Variants in FGF14 observed in about 807,000 individuals in gnomAD.
FGF14 encodes fibroblast growth factor 14.
FGF14 carries 5 observed loss-of-function variants against 25.5 expected under a neutral mutation model. The ratio of observed to expected loss-of-function variants is 0.20; its 90% CI spans 0.10 to 0.41. The LOEUF (loss-of-function observed/expected upper bound fraction) is 0.41, where lower values mean the gene tolerates loss of function less well. FGF14 is among the 10% of genes least tolerant of loss of function. The pLI, the probability that FGF14 is intolerant of heterozygous loss-of-function variation, is 1.00. For missense variants in FGF14, 222 were observed against 320.1 expected (o/e 0.69, Z 2.34); for synonymous variants, 138 against 118.3 (o/e 1.17, Z -1.08).
intron 1 of FGF14, among the ~76,000 whole-genome samples, chr13:102,057,846 C>T (rs959277755): frequency 3.9e-5 from 6 of 152,150 alleles, no homozygotes; most frequent in African/African-American, 1.4e-4. Flanking sequence ...ATATTTTAGA[C>T]CTTGGGTTAA....
At chr13:102,088,228 G>A (rs915062831) in intron 1 of FGF14, among the ~76,000 whole-genome samples, 1 of 152,212 alleles carries the variant, frequency 6.6e-6, no homozygotes, top group Non-Finnish European at 1.5e-5. Context: ...ATCAGTCAGA[G>A]ACTAAGTTGC....
Position 102,400,388 on chromosome 13 carries a change from A to G in FGF14, c.208+1083T>C, listed in dbSNP as rs1486977400. ...AACAGCCGGCCCCGGGTCCCTCTCCACCCTGAACGGAGCTAGGGGACGCCA... is the reference window on the plus strand; with the variant it reads ...AACAGCCGGCCCCGGGTCCCTCTCCGCCCTGAACGGAGCTAGGGGACGCCA... On this transcript the variant is annotated intron_variant, in intron 1 of 4. Coordinates refer to the FGF14 transcript ENST00000376131. This position sits in a 1 kb window ranked among gnomAD's most constrained non-coding sequence, Gnocchi z 4.3. Among the ~76,000 whole-genome samples, 1 of 151,850 alleles carries G rather than the reference A, an allele frequency of 6.6e-6. No homozygotes were observed. The highest frequency in any genetic ancestry group is 1.5e-5 in the Non-Finnish European group (1 of 67,972).
At chr13:101,953,375 C>G (rs1352060267) in intron 1 of FGF14, among the ~76,000 whole-genome samples, 1 of 151,966 alleles carries the variant, frequency 6.6e-6, no homozygotes, top group Non-Finnish European at 1.5e-5. Flanking sequence ...TTTAACCCAG[C>G]AGGGGATCTG....
intron 3 of FGF14, among the ~76,000 whole-genome samples, chr13:101,771,928 T>C (rs2038799716): frequency 6.6e-6 from 1 of 152,032 alleles, no homozygotes. Context: ...TATACATGTA[T>C]AAAACAATGT....
At chr13:102,347,270 A>G (rs2057136949) in intron 1 of FGF14, among the ~76,000 whole-genome samples, 1 of 152,218 alleles carries the variant, frequency 6.6e-6, no homozygotes, top group South Asian at 2.1e-4. Flanking sequence ...CTCAAGAGAC[A>G]ATCACTGCCC....
chr13:101,921,068 TTAA>T (rs777166409), upstream of FGF14, among the ~76,000 whole-genome samples: 6,186 of 149,708 alleles, frequency 0.041, 439 homozygotes, highest in African/African-American at 0.14. Flanking sequence ...CTCTTGATGA[TTAA>T]AAAAAAAAAA....
intron 1 of FGF14, among the ~76,000 whole-genome samples, chr13:102,003,665 CTTT>C (rs111575262): frequency 2.2e-5 from 3 of 134,746 alleles, no homozygotes; most frequent in East Asian, 4.3e-4. Context: ...AAGGGGTTAG[CTTT>C]TTTTTTTTTT....
At chr13:102,053,555 T>A (rs1271142692) in intron 1 of FGF14, among the ~76,000 whole-genome samples, 1 of 151,908 alleles carries the variant, frequency 6.6e-6, no homozygotes, top group African/African-American at 2.4e-5. Flanking sequence ...CTTATGAAAA[T>A]GTATGGGGTA....
At chr13:102,302,998 C>T (rs2055153911) in intron 1 of FGF14, among the ~76,000 whole-genome samples, 1 of 152,130 alleles carries the variant, frequency 6.6e-6, no homozygotes, top group Non-Finnish European at 1.5e-5. Context: ...TCACTATGTC[C>T]TACAAAGTCC....
chr13:102,192,129 G>C (rs1338271506), intron 1 of FGF14, among the ~76,000 whole-genome samples: 2 of 152,150 alleles, frequency 1.3e-5, no homozygotes, highest in African/African-American at 2.4e-5. Flanking sequence ...CTGAGGCAAT[G>C]GTCCCACCCT....
intron 1 of FGF14, among the ~76,000 whole-genome samples, chr13:102,232,626 G>C (rs2051135290): frequency 6.6e-6 from 1 of 152,160 alleles, no homozygotes; most frequent in South Asian, 2.1e-4. Context: ...CAAGTCATAA[G>C]AGCAATTATG....
At chr13:102,007,741 CAG>C (rs1491409024) in intron 1 of FGF14, among the ~76,000 whole-genome samples, 1 of 152,148 alleles carries the variant, frequency 6.6e-6, no homozygotes, top group African/African-American at 2.4e-5. Flanking sequence ...AAAATAATCA[CAG>C]GGGGTTATTA....
chr13:101,996,881 T>G (rs1440776328), intron 1 of FGF14, among the ~76,000 whole-genome samples: 1 of 152,198 alleles, frequency 6.6e-6, no homozygotes, highest in East Asian at 1.9e-4. Flanking sequence ...ACCAATGGAA[T>G]CCACCAGCAC....
chr13:102,299,570 C>A (rs74651431), intron 1 of FGF14, among the ~76,000 whole-genome samples: 23,250 of 151,928 alleles, frequency 0.15, 1,912 homozygotes, highest in East Asian at 0.38. Context: ...CTGGGGCTGC[C>A]TGAATTTCTA....
At chr13:101,912,004 G>GTT (rs5806256) in intron 1 of FGF14, among the ~76,000 whole-genome samples, 60 of 140,332 alleles carry the variant, frequency 4.3e-4, no homozygotes, top group Middle Eastern at 7.5e-3. Context: ...CAAAAACAGT[G>GTT]TTTTTTTTTT....
At chr13:101,883,316 A>G (rs569281249) in intron 1 of FGF14, among the ~76,000 whole-genome samples, 2 of 152,318 alleles carry the variant, frequency 1.3e-5, no homozygotes, top group South Asian at 4.1e-4. Flanking sequence ...TTACAGACAC[A>G]TCTATCTCTA....
At chr13:102,194,254 A>T (rs1202751032) in intron 1 of FGF14, among the ~76,000 whole-genome samples, 3 of 152,156 alleles carry the variant, frequency 2.0e-5, no homozygotes, top group Non-Finnish European at 4.4e-5. Context: ...AATGTATTGT[A>T]AATGCTTTAT....
At chr13:101,794,959 T>C (rs2040436399) in intron 3 of FGF14, among the ~76,000 whole-genome samples, 1 of 152,174 alleles carries the variant, frequency 6.6e-6, no homozygotes, top group Admixed American at 6.6e-5. Flanking sequence ...TATTACAAGT[T>C]TATTTTTAAT....
chr13:102,141,747 A>C (rs545312314), intron 1 of FGF14, among the ~76,000 whole-genome samples: 13 of 152,314 alleles, frequency 8.5e-5, no homozygotes, highest in African/African-American at 2.9e-4. Context: ...GCTGAATCAT[A>C]ATGTACCGAA....
Sources: gnomAD v4.1 joint callset for allele counts (sites outside exome capture counted in the v4.1 genomes callset) on GRCh38, gnomAD v4.1.1 for gene constraint, Gnocchi (gnomAD v3.1) non-coding constraint, MANE v1.5 for transcripts, NCBI Gene and HGNC (gene_info 2026-07-23, HGNC 2026-07-21) for gene names.